The following TRIM71 variants were observed in gnomAD, a reference collection of about 807,000 sequenced individuals.
TRIM71 encodes tripartite motif containing 71, also known as E3 ubiquitin-protein ligase TRIM71.
TRIM71 carries 9 observed loss-of-function variants against 61.2 expected under a neutral mutation model. The ratio of observed to expected loss-of-function variants is 0.15; its 90% CI spans 0.09 to 0.26. The LOEUF (loss-of-function observed/expected upper bound fraction) is 0.26, where lower values mean the gene tolerates loss of function less well. TRIM71 is among the 10% of genes least tolerant of loss of function. The pLI, the probability that TRIM71 is intolerant of heterozygous loss-of-function variation, is 1.00. For synonymous variants in TRIM71, 645 were observed against 553.2 expected (o/e 1.17, Z -2.33); for missense variants, 998 against 1,238.7 (o/e 0.81, Z 2.92).
intron 1 of TRIM71, among the ~76,000 whole-genome samples, chr3:32,868,106 G>A (rs1033121279): frequency 6.6e-6 from 1 of 151,930 alleles, no homozygotes; most frequent in Non-Finnish European, 1.5e-5. Context: ...TTCAATGTTG[G>A]CACCCATCAA....
At chr3:32,882,623 G>A (rs1696921848) in intron 2 of TRIM71, among the ~76,000 whole-genome samples, 1 of 152,106 alleles carries the variant, frequency 6.6e-6, no homozygotes. Context: ...ACAGCTTGCT[G>A]CAGCTTCGAT....
intron 1 of TRIM71, among the ~76,000 whole-genome samples, chr3:32,848,819 G>A (rs1162442160): frequency 1.3e-5 from 2 of 152,060 alleles, no homozygotes; most frequent in Non-Finnish European, 2.9e-5. Context: ...TGAGGTCACA[G>A]GACAACCAGA....
intron 1 of TRIM71, among the ~76,000 whole-genome samples, chr3:32,837,221 G>T (rs79573896): frequency 6.6e-5 from 10 of 152,122 alleles, no homozygotes; most frequent in Non-Finnish European, 1.5e-4. Flanking sequence ...TAATTTAGTC[G>T]TGTAAGCATT....
chr3:32,826,172 A>T (rs1211464522), intron 1 of TRIM71, among the ~76,000 whole-genome samples: 2 of 152,212 alleles, frequency 1.3e-5, no homozygotes, highest in African/African-American at 4.8e-5. Flanking sequence ...CTCAACTCCC[A>T]TCCAGGCAGG....
chr3:32,823,945 C>T (rs533909777), intron 1 of TRIM71, among the ~76,000 whole-genome samples: 1 of 151,764 alleles, frequency 6.6e-6, no homozygotes, highest in Middle Eastern at 3.4e-3. Flanking sequence ...CGTGGTGGCG[C>T]GTGCCTGTAG....
chr3:32,866,040 G>C (rs981612798), intron 1 of TRIM71, among the ~76,000 whole-genome samples: 10 of 151,318 alleles, frequency 6.6e-5, no homozygotes, highest in Admixed American at 5.9e-4. Context: ...TGGCCAGGCT[G>C]GTCTCAAACT....
chr3:32,880,417 G>C (rs770289201), intron 2 of TRIM71, among the ~76,000 whole-genome samples: 13 of 152,190 alleles, frequency 8.5e-5, no homozygotes, highest in Non-Finnish European at 1.0e-4. Context: ...TATACTGAAA[G>C]TATATTTCCC....
chr3:32,823,035 C>T (rs376936400), intron 1 of TRIM71, among the ~76,000 whole-genome samples: 67 of 152,334 alleles, frequency 4.4e-4, no homozygotes, highest in Middle Eastern at 3.4e-3. Context: ...CTCTACACTA[C>T]TGGGTGAATA....
intron 2 of TRIM71, among the ~76,000 whole-genome samples, chr3:32,880,818 C>A (rs925517051): frequency 6.6e-6 from 1 of 151,974 alleles, no homozygotes; most frequent in Non-Finnish European, 1.5e-5. Flanking sequence ...CTGGGGATAG[C>A]GATAAACAGG....
chr3:32,823,706 G>T (rs190235515), intron 1 of TRIM71, among the ~76,000 whole-genome samples: 2 of 147,986 alleles, frequency 1.4e-5, no homozygotes, highest in Admixed American at 6.7e-5. Context: ...TGAGCCGAGG[G>T]TGCAGTGAGC....
At chr3:32,828,172 G>C (rs1431741191) in intron 1 of TRIM71, among the ~76,000 whole-genome samples, 1 of 152,050 alleles carries the variant, frequency 6.6e-6, no homozygotes, top group Non-Finnish European at 1.5e-5. Flanking sequence ...TGTGCCCTCC[G>C]AGATCAGTGT....
intron 1 of TRIM71, among the ~76,000 whole-genome samples, chr3:32,826,240 C>T (rs1332694614): frequency 6.6e-6 from 1 of 152,170 alleles, no homozygotes; most frequent in Admixed American, 6.5e-5. Context: ...GGGCAGATCA[C>T]ATAAGGCCCA....
At chr3:32,819,034 G>A (rs1010181446) in intron 1 of TRIM71, 102 bp downstream of exon 1, 1 of 1,348,198 alleles carries the variant, frequency 7.4e-7, no homozygotes, top group Middle Eastern at 1.8e-4. Flanking sequence ...GGCCCTCTCC[G>A]GATTTGGTTT....
At chr3:32,852,735 G>C (rs1696551589) in intron 1 of TRIM71, among the ~76,000 whole-genome samples, 2 of 148,482 alleles carry the variant, frequency 1.3e-5, no homozygotes, top group African/African-American at 5.0e-5. Context: ...GGTAGAGGAA[G>C]GTTTATATTT....
chr3:32,882,134 T>C (rs1300227983), intron 2 of TRIM71, among the ~76,000 whole-genome samples: 1 of 144,420 alleles, frequency 6.9e-6, no homozygotes. Context: ...TTTTTGTTTT[T>C]TTATTTTTTG....
At position 32,891,398 on chromosome 3, in the gene TRIM71, G is replaced by A. The variant is rs200757439; in HGVS notation, c.2194G>A (p.Val732Ile). 804 of 1,614,112 alleles carry A rather than the reference G, an allele frequency of 5.0e-4. 1 individual carries two copies. Among genetic ancestry groups the A allele is most frequent in the Non-Finnish European group, 6.3e-4 (745 of 1,180,030 alleles). ...GATCCAGCTGTTTGGGCCTGATGGT[G>A]TCTTCCTAAACAAGTATGGCTTCGA... ...HRIQLFGPDG[V>I]FLNKYGFEGA... Residue 732 changes from valine (V) to isoleucine (I), a missense_variant, in exon 4 of 4, where the codon GTC becomes ATC. This residue lies in a region of TRIM71 where 83 missense variants were observed against 202.7 expected (regional missense o/e 0.41). Coordinates refer to ENST00000383763, the MANE Select transcript of TRIM71 (RefSeq NM_001039111.3). The surrounding 1 kb of genome is among the most constrained non-coding windows in gnomAD (Gnocchi z 8.2).
intron 1 of TRIM71, among the ~76,000 whole-genome samples, chr3:32,822,284 C>T (rs1696143638): frequency 6.6e-6 from 1 of 152,100 alleles, no homozygotes; most frequent in Non-Finnish European, 1.5e-5. Context: ...TTAGGCAGGT[C>T]TGGGGGTGGC....
chr3:32,819,997 C>T (rs576051561), intron 1 of TRIM71, among the ~76,000 whole-genome samples: 7 of 152,346 alleles, frequency 4.6e-5, no homozygotes, highest in Non-Finnish European at 8.8e-5. Context: ...TGGTATTATG[C>T]GAGTGTCGTC....
Position 32,894,194 on chromosome 3 carries a change from A to C in TRIM71, c.*2383A>C, listed in dbSNP as rs951489394. ...CAACAAGCCACCCTTTAAACACCAA[A>C]GACAACTGGTTTTAAATGCTTGAAA... is the stretch of plus-strand genomic sequence containing the variant. On this transcript the variant is annotated 3_prime_UTR_variant, in exon 4 of 4. Transcript: ENST00000383763. 1.3e-5 allele frequency: 2 copies of C among 152,004 alleles called. No individual in the cohort carries two copies. Among genetic ancestry groups the C allele is most frequent in the Non-Finnish European group, 2.9e-5 (2 of 67,996 alleles). 9.4% of individuals were successfully genotyped at this position (152,004 alleles called of 1,614,324 possible). A position where few individuals can be genotyped will look rare whatever the true frequency, so the allele number is the denominator to read the frequency against.
Sources: allele counts gnomAD v4.1 joint callset (sites outside exome capture counted in the v4.1 genomes callset), GRCh38; gene constraint gnomAD v4.1.1; regional missense constraint gnomAD v4.1.1; non-coding constraint Gnocchi (gnomAD v3.1); transcripts MANE v1.5; gene names NCBI Gene and HGNC (gene_info 2026-07-23, HGNC 2026-07-21).